Variants in ZNF500 observed in about 807,000 individuals in gnomAD.
ZNF500 encodes zinc finger protein with KRAB and SCAN domains 18.
ZNF500 carries 31 observed loss-of-function variants against 30.1 expected under a neutral mutation model. The ratio of observed to expected loss-of-function variants is 1.03; its 90% CI spans 0.77 to 1.39. The LOEUF is 1.39. Among genes scored for constraint, ZNF500 ranks in the 40% most tolerant of loss-of-function variants. The probability of loss-of-function intolerance (pLI) is 0.00; values close to 1 mark genes in which losing one functional copy is unlikely to be tolerated. For missense variants in ZNF500, 817 were observed against 657.8 expected (o/e 1.24, Z -2.65); for synonymous variants, 392 against 282.0 (o/e 1.39, Z -3.91).
At chr16:4,748,129 C>G (rs1465563046), downstream of ZNF500, 1 of 153,482 alleles carries the variant, frequency 6.5e-6, no homozygotes, top group Non-Finnish European at 1.5e-5. Flanking sequence ...CACACACATG[C>G]CTACCCACAC....
At chr16:4,755,891 C>T (rs1216934610) in intron 5 of ZNF500, among the ~76,000 whole-genome samples, 2 of 152,178 alleles carry the variant, frequency 1.3e-5, no homozygotes, top group Admixed American at 1.3e-4. Flanking sequence ...GAAGCACTGA[C>T]ACATGCTATA....
downstream of ZNF500, chr16:4,746,775 C>T: frequency 1.3e-6 from 1 of 794,258 alleles, no homozygotes; most frequent in African/African-American, 1.8e-5. Flanking sequence ...CACACCTGTC[C>T]TCACCTCCTG....
At chr16:4,760,467 G>C (rs1020795918) in intron 5 of ZNF500, 25 bp downstream of exon 5, 2 of 1,609,772 alleles carry the variant, frequency 1.2e-6, no homozygotes, top group Non-Finnish European at 1.7e-6. Context: ...AAGCCCCCTA[G>C]AGGACACAAT....
In ZNF500 at chr16:4,749,807, G is replaced by A. The variant is rs913892306; in HGVS notation, c.*2569C>T. On this transcript the variant is annotated 3_prime_UTR_variant, in exon 6 of 6. Transcript: ENST00000219478. ...AGCCTGGGTAATGAAGTGAGACTGT[G>A]TCTCAAAACAAAACAAAAAAAGGAG... 3 of 152,158 alleles carry A rather than the reference G, an allele frequency of 2.0e-5. No homozygotes were observed. The highest frequency in any genetic ancestry group is 7.2e-5 in the African/African-American group (3 of 41,410). The allele number at this position is 152,158 out of a possible 1,614,324, so 9.4% of individuals were successfully genotyped here.
downstream of ZNF500, chr16:4,747,353 G>T: frequency 6.3e-7 from 1 of 1,581,996 alleles, no homozygotes; most frequent in African/African-American, 1.3e-5. Flanking sequence ...GACCTGTACC[G>T]GGAAAAGCCA....
At chr16:4,761,235 C>G (rs138845429) in intron 4 of ZNF500, among the ~76,000 whole-genome samples, 8,129 of 151,882 alleles carry the variant, frequency 0.054, 369 homozygotes, top group African/African-American at 0.12. Flanking sequence ...TCAGGAGCTC[C>G]AGACCAGCCT....
intron 4 of ZNF500, among the ~76,000 whole-genome samples, chr16:4,762,044 G>A (rs887057428): frequency 2.6e-5 from 4 of 152,126 alleles, no homozygotes; most frequent in East Asian, 1.9e-4. Context: ...AGAATCTTCC[G>A]GGCACAGCCG....
Position 4,765,866 on chromosome 16 carries a change from G to C in ZNF500, c.113C>G (p.Ser38Cys), listed in dbSNP as rs1450809136. Residue 38 changes from serine (S) to cysteine (C), a missense_variant, in exon 2 of 6, where the codon TCC (serine) becomes TGC (cysteine). By Grantham distance (112) the Ser-to-Cys change is moderately radical. Coordinates refer to ENST00000219478, the MANE Select transcript of ZNF500 (RefSeq NM_021646.4). Reference sequence around the variant, plus strand: ...AGGGCTGGGGTCCTCCGTCTCCACGGAGGGCTCCTCTTCCAAGCAGAAGTC... The same window carrying C: ...AGGGCTGGGGTCCTCCGTCTCCACGCAGGGCTCCTCTTCCAAGCAGAAGTC... Reference protein sequence around the residue: ...EEDFCLEEEPSVETEDPSPET... With the variant: ...EEDFCLEEEPCVETEDPSPET... 6.2e-7 allele frequency: 1 copy of C among 1,613,778 alleles called. No homozygotes were observed. Among genetic ancestry groups the C allele is most frequent in the South Asian group, 1.1e-5 (1 of 91,088 alleles).
downstream of ZNF500, chr16:4,747,517 G>A (rs202150290): frequency 8.3e-5 from 134 of 1,613,238 alleles, no homozygotes; most frequent in East Asian, 3.0e-3. Flanking sequence ...GTGCCAAGGG[G>A]CAGAGCGCCC....
At chr16:4,745,068 T>C (rs2081997167), downstream of ZNF500, 1 of 1,574,876 alleles carries the variant, frequency 6.3e-7, no homozygotes, top group Non-Finnish European at 8.7e-7. Flanking sequence ...CCCATGGTTT[T>C]GTAGCACTGA....
At chr16:4,763,648 C>A (rs980022113) in intron 2 of ZNF500, 93 of 985,302 alleles carry the variant, frequency 9.4e-5, no homozygotes, top group Non-Finnish European at 1.1e-4. Flanking sequence ...GCACAGCCTG[C>A]CCCTCTCAGC....
At chr16:4,746,780 C>G (rs757464800), downstream of ZNF500, 2 of 811,802 alleles carry the variant, frequency 2.5e-6, no homozygotes, top group Non-Finnish European at 3.8e-6. Flanking sequence ...CTGTCCTCAC[C>G]TCCTGGCAGG....
Position 4,753,009 on chromosome 16 carries a change from C to G in ZNF500, c.810G>C (p.Pro270=). ...EDGGDGREDA[P]LRMEWYRVLS... is the part of the protein sequence containing the mutation. ...GCACTCGGTACCACTCCATTCTCAA[C>G]GGGGCATCCTCCCTGCCATCACCGC... Residue 270 remains proline, a synonymous_variant, in exon 6 of 6, where the codon CCG becomes CCC. Coordinates refer to ENST00000219478, the MANE Select transcript of ZNF500 (RefSeq NM_021646.4). 6.4e-7 allele frequency: 1 copy of G among 1,564,834 alleles called. No individual in the cohort carries two copies. The highest frequency in any genetic ancestry group is 1.2e-5 in the South Asian group (1 of 86,146).
intron 2 of ZNF500, chr16:4,762,973 T>A (rs1192893579): frequency 3.5e-5 from 34 of 985,258 alleles, no homozygotes; most frequent in Non-Finnish European, 3.7e-5. Context: ...CACAATCGTT[T>A]CCCCATCACA....
intron 5 of ZNF500, 36 bp from the exon 6 acceptor site, chr16:4,753,094 A>G (rs1596495329): frequency 2.0e-6 from 3 of 1,500,146 alleles, no homozygotes; most frequent in Non-Finnish European, 2.7e-6. Context: ...AGGAACTCAC[A>G]GCAAGAGGGC....
At chr16:4,744,891 A>G (rs944586666), downstream of ZNF500, 2 of 1,613,706 alleles carry the variant, frequency 1.2e-6, no homozygotes, top group African/African-American at 2.7e-5. Context: ...CCGAGCGCCC[A>G]CAACAGGCTC....
intron 2 of ZNF500, chr16:4,763,735 A>G: frequency 2.2e-6 from 2 of 912,514 alleles, no homozygotes; most frequent in Non-Finnish European, 2.5e-6. Context: ...AACCCCAAAC[A>G]CTGAAGCTGT....
At chr16:4,759,748 TCAGCATGGCCACG>T (rs2082176631) in intron 5 of ZNF500, among the ~76,000 whole-genome samples, 1 of 152,004 alleles carries the variant, frequency 6.6e-6, no homozygotes, top group Non-Finnish European at 1.5e-5. Flanking sequence ...AGAAAAGGCT[TCAGCATGGCCACG>T]CACGGTGGCT....
At chr16:4,746,368 A>G (rs371811186), downstream of ZNF500, 24 of 1,606,888 alleles carry the variant, frequency 1.5e-5, no homozygotes, top group Non-Finnish European at 1.8e-5. Flanking sequence ...TGCTTTTCTC[A>G]TTTCAGATGT....
Sources: gnomAD v4.1 joint callset for allele counts (sites outside exome capture counted in the v4.1 genomes callset) on GRCh38, gnomAD v4.1.1 for gene constraint, MANE v1.5 for transcripts, NCBI Gene and HGNC (gene_info 2026-07-23, HGNC 2026-07-21) for gene names.